Variants in ENTHD1 observed in about 807,000 individuals in gnomAD.
ENTHD1 encodes ENTH domain-containing protein 1.
Under a neutral mutation model 39.1 loss-of-function variants are expected in ENTHD1, and 23 were observed. The ratio of observed to expected loss-of-function variants is 0.59; its 90% confidence interval spans 0.42 to 0.83. ENTHD1 has a LOEUF of 0.83. Among genes scored for constraint, ENTHD1 ranks in the 40% least tolerant of loss-of-function variants. The probability of loss-of-function intolerance (pLI) is 0.00; values close to 1 mark genes in which losing one functional copy is unlikely to be tolerated. For missense variants in ENTHD1, 624 were observed against 705.4 expected (o/e 0.88, Z 1.31); for synonymous variants, 230 against 258.2 (o/e 0.89, Z 1.05).
At chr22:39,812,448 C>A (rs188670509) in intron 5 of ENTHD1, among the ~76,000 whole-genome samples, 1 of 152,150 alleles carries the variant, frequency 6.6e-6, no homozygotes, top group Admixed American at 6.5e-5. Flanking sequence ...TCAGGATGTG[C>A]ACACAATGTG....
At chr22:39,834,993 C>T (rs1472956005) in intron 4 of ENTHD1, among the ~76,000 whole-genome samples, 1 of 152,098 alleles carries the variant, frequency 6.6e-6, no homozygotes, top group Admixed American at 6.6e-5. Context: ...GCACGAGGCA[C>T]TTCTTTTGTG....
intron 5 of ENTHD1, among the ~76,000 whole-genome samples, chr22:39,794,967 AT>A (rs2065535646): frequency 6.6e-6 from 1 of 152,062 alleles, no homozygotes; most frequent in African/African-American, 2.4e-5. Flanking sequence ...AGAGTTTTTT[AT>A]CATGAAGCGT....
intron 6 of ENTHD1, among the ~76,000 whole-genome samples, chr22:39,746,929 T>A (rs2065110067): frequency 6.6e-6 from 1 of 152,228 alleles, no homozygotes; most frequent in African/African-American, 2.4e-5. Context: ...TAGGTGGGTA[T>A]TCATGGTTAA....
intron 5 of ENTHD1, among the ~76,000 whole-genome samples, chr22:39,773,342 C>G (rs973755062): frequency 1.1e-4 from 16 of 152,040 alleles, no homozygotes; most frequent in African/African-American, 3.9e-4. Flanking sequence ...TGCAAGCGTG[C>G]AGGTACACAT....
At chr22:39,809,530 G>A (rs1291705015) in intron 5 of ENTHD1, among the ~76,000 whole-genome samples, 1 of 152,170 alleles carries the variant, frequency 6.6e-6, no homozygotes, top group Non-Finnish European at 1.5e-5. Flanking sequence ...CAGAAAAAGG[G>A]CACTTCTCTG....
intron 6 of ENTHD1, among the ~76,000 whole-genome samples, chr22:39,755,567 A>G (rs140781696): frequency 3.3e-5 from 5 of 152,270 alleles, no homozygotes; most frequent in African/African-American, 9.6e-5. Flanking sequence ...CTTGGTTACA[A>G]TTCTGCATCA....
chr22:39,834,616 T>C lies in ENTHD1; in HGVS notation c.711+1224A>G, dbSNP rs190460309. 2.3e-4 allele frequency among the ~76,000 whole-genome samples: 35 copies of C among 152,286 alleles called. No homozygotes were observed. The East Asian group carries it at 5.0e-3, about 22-fold the overall frequency. ...TTGGCACACACTTACCGTACAACCCTACAACTCTCTGACATTTATCCCCGA... is the reference window on the plus strand; with the variant it reads ...TTGGCACACACTTACCGTACAACCCCACAACTCTCTGACATTTATCCCCGA... On this transcript the variant is annotated intron_variant, in intron 4 of 6. Coordinates refer to ENST00000325157, the MANE Select transcript of ENTHD1 (RefSeq NM_152512.4).
At chr22:39,748,577 C>A (rs887692279) in intron 6 of ENTHD1, among the ~76,000 whole-genome samples, 1 of 150,270 alleles carries the variant, frequency 6.7e-6, no homozygotes. Flanking sequence ...CCCGTCACCA[C>A]GCCCGGCTAT....
chr22:39,841,487 G>A (rs2065944092), intron 3 of ENTHD1, among the ~76,000 whole-genome samples: 1 of 151,558 alleles, frequency 6.6e-6, no homozygotes, highest in African/African-American at 2.4e-5. Context: ...TTACCATTAT[G>A]TAATGGCCTT....
At chr22:39,795,902 G>A (rs764889161) in intron 5 of ENTHD1, among the ~76,000 whole-genome samples, 13 of 151,834 alleles carry the variant, frequency 8.6e-5, no homozygotes, top group Non-Finnish European at 1.8e-4. Context: ...ATGGTTCTGT[G>A]GTCTCAGTTG....
chr22:39,820,547 T>C (rs73426191), intron 5 of ENTHD1, among the ~76,000 whole-genome samples: 4,975 of 152,216 alleles, frequency 0.033, 263 homozygotes, highest in African/African-American at 0.11. Flanking sequence ...AATCGTGTAA[T>C]TTATTGGAGG....
At chr22:39,822,139 G>C (rs899180449) in intron 4 of ENTHD1, among the ~76,000 whole-genome samples, 5 of 151,462 alleles carry the variant, frequency 3.3e-5, no homozygotes, top group African/African-American at 1.2e-4. Context: ...TTTTTCTACA[G>C]CTTGTTTGAA....
intron 6 of ENTHD1, among the ~76,000 whole-genome samples, chr22:39,753,520 A>G (rs1280279011): frequency 6.6e-6 from 1 of 152,202 alleles, no homozygotes; most frequent in African/African-American, 2.4e-5. Context: ...GATAGTTGAG[A>G]TCCACTAAAA....
chr22:39,792,597 C>T (rs1352205624), intron 5 of ENTHD1, among the ~76,000 whole-genome samples: 1 of 152,100 alleles, frequency 6.6e-6, no homozygotes, highest in Non-Finnish European at 1.5e-5. Flanking sequence ...CCATTACCAG[C>T]TGGGTGCGGT....
Position 39,838,109 on chromosome 22 carries a change from T to C in ENTHD1, c.593-2151A>G, listed in dbSNP as rs561492326. Among the ~76,000 whole-genome samples, 30 of 152,354 alleles carry C rather than the reference T, an allele frequency of 2.0e-4. No homozygotes were observed. In the South Asian group the frequency reaches 5.2e-3, roughly 26 times the overall value. ...ATAAAATTATTTTCTCAAAAAATTG[T>C]ATTGACAGATATACTGCAATTAATA... On this transcript the variant is annotated intron_variant, in intron 3 of 6. Coordinates refer to ENST00000325157, the MANE Select transcript of ENTHD1 (RefSeq NM_152512.4).
At chr22:39,883,453 T>A (rs750729410) in intron 2 of ENTHD1, among the ~76,000 whole-genome samples, 1 of 152,106 alleles carries the variant, frequency 6.6e-6, no homozygotes, top group Non-Finnish European at 1.5e-5. Context: ...AGAAGAGAAC[T>A]TCCCCACCCT....
chr22:39,887,763 C>A lies in ENTHD1; in HGVS notation c.-15G>T. 1 of 1,517,392 alleles carries A rather than the reference C, an allele frequency of 6.6e-7. No homozygotes were observed. The highest frequency in any genetic ancestry group is 1.3e-5 in the South Asian group (1 of 76,484). 94.0% of individuals were successfully genotyped at this position (1,517,392 alleles called of 1,614,324 possible). On this transcript the variant is annotated 5_prime_UTR_variant, in exon 2 of 7. Transcript: ENST00000325157. ...CTGAACGCCATAAGTAATACAAGTT[C>A]CAAGGTGAGATGGAGGATGAAAGCA... is the stretch of plus-strand genomic sequence containing the variant.
chr22:39,789,184 C>T (rs1314879727), intron 5 of ENTHD1, among the ~76,000 whole-genome samples: 4 of 152,130 alleles, frequency 2.6e-5, no homozygotes, highest in South Asian at 2.1e-4. Context: ...GCAATGAACA[C>T]AAGAGTGCAG....
At chr22:39,833,662 T>C (rs1487710041) in intron 4 of ENTHD1, among the ~76,000 whole-genome samples, 1 of 151,174 alleles carries the variant, frequency 6.6e-6, no homozygotes. Context: ...AGAAAACAAA[T>C]AGAAACTATA....
Sources: gnomAD v4.1 joint callset for allele counts (sites outside exome capture counted in the v4.1 genomes callset) on GRCh38, gnomAD v4.1.1 for gene constraint, MANE v1.5 for transcripts, NCBI Gene and HGNC (gene_info 2026-07-23, HGNC 2026-07-21) for gene names.